SDK1: variants seen among roughly 807,000 people sequenced by gnomAD.
The protein encoded by SDK1 is protein sidekick-1.
In SDK1, 157 loss-of-function variants were observed where a neutral mutation model predicts 245.5. That is an observed-to-expected ratio of 0.64 (90% CI 0.56 to 0.73). SDK1 has a LOEUF of 0.73. SDK1 is among the 30% of genes least tolerant of loss of function. SDK1 has a pLI of 0.00. For missense variants in SDK1, 3,583 were observed against 3,002.3 expected (o/e 1.19, Z -4.52); for synonymous variants, 1,647 against 1,278.5 (o/e 1.29, Z -6.15).
At chr7:4,169,625 C>A (rs946621293) in intron 32 of SDK1, among the ~76,000 whole-genome samples, 1 of 152,206 alleles carries the variant, frequency 6.6e-6, no homozygotes, top group Non-Finnish European at 1.5e-5. Context: ...AGGAGATCTC[C>A]TAGATGCAAT....
rs970929280 is a variant in SDK1, at chr7:3,607,782, G to C, written c.299-11298G>C. Among the ~76,000 whole-genome samples the C allele has an allele frequency of 2.0e-5, 3 of 152,330 alleles. No homozygotes were observed. The South Asian group carries it at 6.2e-4, about 32-fold the overall frequency. On this transcript the variant is annotated intron_variant, in intron 1 of 44. Coordinates refer to ENST00000404826, the MANE Select transcript of SDK1 (RefSeq NM_152744.4). ...CTGTAGGAAGATGCAATTTCATTCTGTGACAACATGTTTTAATAGGAACTA... is the reference window on the plus strand; with the variant it reads ...CTGTAGGAAGATGCAATTTCATTCTCTGACAACATGTTTTAATAGGAACTA...
At chr7:3,617,141 AATAT>A (rs539140272) in intron 1 of SDK1, among the ~76,000 whole-genome samples, 1 of 152,064 alleles carries the variant, frequency 6.6e-6, no homozygotes, top group Non-Finnish European at 1.5e-5. Flanking sequence ...GAAATAGGTT[AATAT>A]ATATATAAGG....
chr7:3,862,454 G>A (rs1192065170), intron 5 of SDK1, among the ~76,000 whole-genome samples: 2 of 152,100 alleles, frequency 1.3e-5, no homozygotes, highest in East Asian at 1.9e-4. Context: ...TTTGGTAAAG[G>A]GTATGTGTTA....
At chr7:3,614,367 A>C (rs1424019358) in intron 1 of SDK1, among the ~76,000 whole-genome samples, 2 of 152,148 alleles carry the variant, frequency 1.3e-5, no homozygotes, top group African/African-American at 2.4e-5. Context: ...ACGTCTGCTC[A>C]TTTTCCTGAG....
At chr7:3,581,349 A>G (rs1780481596) in intron 1 of SDK1, among the ~76,000 whole-genome samples, 1 of 152,252 alleles carries the variant, frequency 6.6e-6, no homozygotes, top group Non-Finnish European at 1.5e-5. Flanking sequence ...GGACATGAAC[A>G]GAAACTTTTC....
At chr7:4,122,084 C>G (rs1370835456) in intron 25 of SDK1, among the ~76,000 whole-genome samples, 4 of 152,126 alleles carry the variant, frequency 2.6e-5, no homozygotes, top group African/African-American at 9.7e-5. Flanking sequence ...CTCTGCCCGT[C>G]CTACCACCTG....
At chr7:3,391,392 T>C (rs1021576590) in intron 1 of SDK1, among the ~76,000 whole-genome samples, 9 of 152,160 alleles carry the variant, frequency 5.9e-5, no homozygotes, top group African/African-American at 2.2e-4. Context: ...CTAGCATTGC[T>C]GGAAGTAAAA....
Position 3,550,626 on chromosome 7 carries a change from C to G in SDK1, c.299-68454C>G, listed in dbSNP as rs770507887. On this transcript the variant is annotated intron_variant, in intron 1 of 44. Transcript: ENST00000404826. Reference sequence around the variant, plus strand: ...AACTTTTAGAGCATGTAGAACAAATCAGAAGTCTCTTGTGCTGATTATATC... The same window carrying G: ...AACTTTTAGAGCATGTAGAACAAATGAGAAGTCTCTTGTGCTGATTATATC... 1.2e-3 allele frequency among the ~76,000 whole-genome samples: 179 copies of G among 152,204 alleles called. 3 individuals carry two copies. The highest frequency in any genetic ancestry group is 4.0e-4 in the Non-Finnish European group (27 of 68,032).
intron 1 of SDK1, among the ~76,000 whole-genome samples, chr7:3,602,657 C>G (rs1233594050): frequency 6.6e-6 from 1 of 151,726 alleles, no homozygotes; most frequent in Non-Finnish European, 1.5e-5. Flanking sequence ...GTTTCTTTTG[C>G]TGTGCAGAAG....
In SDK1 at chr7:4,210,184, A is replaced by G. The variant is rs202223867; in HGVS notation, c.5539+22A>G. The G allele has an allele frequency of 8.2e-5, 125 of 1,519,216 alleles. No individual in the cohort carries two copies. The African/African-American group carries it at 1.4e-3, about 17-fold the overall frequency. 94.1% of individuals were successfully genotyped at this position (1,519,216 alleles called of 1,614,324 possible). On this transcript the variant is annotated intron_variant, in intron 38 of 44. Transcript: ENST00000404826. ...CAAGGTAAGACCCGGGGTTGGGGAG[A>G]TGGGAGCGCGGGCCACACCAGTGCC...
At chr7:3,885,649 C>G (rs958643608) in intron 5 of SDK1, among the ~76,000 whole-genome samples, 4 of 152,074 alleles carry the variant, frequency 2.6e-5, no homozygotes, top group African/African-American at 9.7e-5. Flanking sequence ...TTGATAAACG[C>G]TGTGGTATCA....
intron 1 of SDK1, among the ~76,000 whole-genome samples, chr7:3,531,873 G>T (rs1375858702): frequency 6.6e-6 from 1 of 152,164 alleles, no homozygotes; most frequent in Admixed American, 6.5e-5. Context: ...AAGCTGTCTA[G>T]AAATTAAGTA....
Position 3,974,457 on chromosome 7 carries a change from C to T in SDK1, c.1906C>T (p.Gln636Ter). 1 of 1,614,174 alleles carries T rather than the reference C, an allele frequency of 6.2e-7. No homozygotes were observed. Among genetic ancestry groups the T allele is most frequent in the Non-Finnish European group, 8.5e-7 (1 of 1,180,024 alleles). ...GAAGGACGGGTCCCTTCTCATCAGC[C>T]AGACGTGGTCAGGCGACATCGGTGA... ...VEKDGSLLIS[Q>*]TWSGDIGDYS... The change falls in exon 13 of 45, where the codon CAG becomes TAG. Residue 636 changes from glutamine to a stop codon, truncating the protein, a stop_gained. Transcript: ENST00000404826. LOFTEE classifies it high-confidence loss of function.
At chr7:4,216,202 A>T (rs979674954) in intron 38 of SDK1, among the ~76,000 whole-genome samples, 66 of 152,286 alleles carry the variant, frequency 4.3e-4, no homozygotes, top group African/African-American at 1.6e-3. Flanking sequence ...AAAGGACGAC[A>T]ACGCCACACG....
intron 24 of SDK1, among the ~76,000 whole-genome samples, 181 bp from the exon 25 acceptor site, chr7:4,113,856 G>T (rs1472343664): frequency 6.6e-6 from 1 of 152,222 alleles, no homozygotes; most frequent in African/African-American, 2.4e-5. Flanking sequence ...TACTGACAGG[G>T]TTTCATTTAA....
At chr7:3,948,251 C>CTTTTTTTTTTTTT (rs34746302) in intron 5 of SDK1, among the ~76,000 whole-genome samples, 1 of 79,668 alleles carries the variant, frequency 1.3e-5, no homozygotes, top group Non-Finnish European at 2.2e-5. Flanking sequence ...ATCACCATTG[C>CTTTTTTTTTTTTT]TTTTTTTTTT....
At chr7:3,379,100 C>G (rs1231464718) in intron 1 of SDK1, among the ~76,000 whole-genome samples, 1 of 152,160 alleles carries the variant, frequency 6.6e-6, no homozygotes, top group African/African-American at 2.4e-5. Context: ...TTTCAACTGA[C>G]ATGGGTTCCT....
intron 13 of SDK1, among the ~76,000 whole-genome samples, chr7:3,986,574 G>T (rs1199746154): frequency 6.6e-6 from 1 of 152,200 alleles, no homozygotes; most frequent in African/African-American, 2.4e-5. Context: ...AATAATGTAT[G>T]TGTAGGCCGG....
chr7:4,143,191 G>A (rs554011442), intron 28 of SDK1, among the ~76,000 whole-genome samples: 1 of 152,274 alleles, frequency 6.6e-6, no homozygotes, highest in South Asian at 2.1e-4. Flanking sequence ...CTGTCCTGGA[G>A]CTGCAGGGGC....
Sources: allele counts gnomAD v4.1 joint callset (sites outside exome capture counted in the v4.1 genomes callset), GRCh38; gene constraint gnomAD v4.1.1; transcripts MANE v1.5; gene names NCBI Gene and HGNC (gene_info 2026-07-23, HGNC 2026-07-21).